The following CALN1 variants were observed in gnomAD, a reference collection of about 807,000 sequenced individuals.
CALN1 encodes calneuron 1, also known as calcium-binding protein 8.
CALN1 carries 17 observed loss-of-function variants against 30.6 expected under a neutral mutation model. That is an observed-to-expected ratio of 0.56 (90% CI 0.38 to 0.83). CALN1 has a LOEUF of 0.83. CALN1 is among the 40% of genes least tolerant of loss of function. The probability of loss-of-function intolerance (pLI) is 0.00; values close to 1 mark genes in which losing one functional copy is unlikely to be tolerated. For missense variants in CALN1, 291 were observed against 354.9 expected, an observed-to-expected ratio of 0.82 and a Z score of 1.45; for synonymous variants, 156 against 131.4, an observed-to-expected ratio of 1.19 and a Z score of -1.28.
intron 5 of CALN1, among the ~76,000 whole-genome samples, chr7:71,839,275 G>A (rs1392646129): frequency 2.0e-5 from 3 of 152,136 alleles, no homozygotes; most frequent in Non-Finnish European, 2.9e-5. Context: ...GCTCATGCCT[G>A]TAATTCCAGC....
At chr7:71,788,406 C>A (rs114280699) in intron 6 of CALN1, among the ~76,000 whole-genome samples, 34 of 151,562 alleles carry the variant, frequency 2.2e-4, no homozygotes, top group African/African-American at 8.2e-4. Flanking sequence ...TGACTTCTTG[C>A]ATTATTTCAG....
intron 5 of CALN1, among the ~76,000 whole-genome samples, chr7:71,889,695 C>T (rs1793123681): frequency 6.6e-6 from 1 of 152,224 alleles, no homozygotes; most frequent in Non-Finnish European, 1.5e-5. Flanking sequence ...TGGCTCAAGC[C>T]TGTAATCCCA....
chr7:71,957,984 G>C (rs781564893), intron 5 of CALN1, among the ~76,000 whole-genome samples: 1 of 142,476 alleles, frequency 7.0e-6, no homozygotes, highest in African/African-American at 2.6e-5. Flanking sequence ...AGAATCTCTT[G>C]AACCTGGGAG....
rs1207050705 is a variant in CALN1 at position 72,020,085 on chromosome 7, G to A, written c.501+3572C>T. Among the ~76,000 whole-genome samples the A allele has an allele frequency of 2.6e-5, 4 of 152,010 alleles. 1 individual carries two copies. The highest frequency in any genetic ancestry group is 2.6e-4 in the Admixed American group (4 of 15,242). On this transcript the variant is annotated intron_variant, in intron 5 of 6. Coordinates refer to ENST00000395275, the MANE Select transcript of CALN1 (RefSeq NM_031468.4). ...TATTTTTGTTTTATTTTTTGAGACA[G>A]GTCTCAGTCTGTCAGCCAGGATGGA...
intron 3 of CALN1, among the ~76,000 whole-genome samples, chr7:72,179,428 A>G (rs1425426329): frequency 6.6e-6 from 1 of 152,200 alleles, no homozygotes; most frequent in Non-Finnish European, 1.5e-5. Context: ...AAGTGTCACT[A>G]AACACTTATG....
At chr7:72,466,514 A>T in the CALN1 span, among the ~76,000 whole-genome samples, 160 of 152,178 alleles carry the variant, frequency 1.1e-3, 4 homozygotes, top group South Asian at 0.028. Context: ...GAGGCTGAGG[A>T]GGGCTAATCA....
intron 1 of CALN1, among the ~76,000 whole-genome samples, chr7:72,405,892 G>A (rs1806664451): frequency 6.6e-6 from 1 of 152,136 alleles, no homozygotes; most frequent in Non-Finnish European, 1.5e-5. Context: ...GTCCCCCCAG[G>A]CAGTGTGGAC....
intron 5 of CALN1, among the ~76,000 whole-genome samples, chr7:71,821,382 C>A (rs1374076534): frequency 6.6e-6 from 1 of 152,046 alleles, no homozygotes; most frequent in Non-Finnish European, 1.5e-5. Context: ...AAGGACTCAC[C>A]GTTCCACATG....
chr7:72,472,348 A>C, the CALN1 span, among the ~76,000 whole-genome samples: 3 of 152,172 alleles, frequency 2.0e-5, no homozygotes, highest in Non-Finnish European at 4.4e-5. Flanking sequence ...CCCCCGGCAC[A>C]ATATCTGCCA....
intron 5 of CALN1, among the ~76,000 whole-genome samples, chr7:71,836,594 A>G (rs1789615661): frequency 6.6e-6 from 1 of 150,798 alleles, no homozygotes; most frequent in African/African-American, 2.4e-5. Context: ...TTTTATGGCA[A>G]ATTCTGTCCC....
chr7:72,088,304 G>A (rs1805616332), intron 4 of CALN1, among the ~76,000 whole-genome samples: 1 of 152,110 alleles, frequency 6.6e-6, no homozygotes, highest in South Asian at 2.1e-4. Context: ...TACATCCTAA[G>A]CCAAATTAGA....
At position 71,985,140 on chromosome 7, in the gene CALN1, G is replaced by A. The variant is rs1042703607; in HGVS notation, c.501+38517C>T. ...AAAACCTGGCAAAGACGATGAACAGGCAAGCTACAAAAGAGAGAACCCAAC... is the reference window on the plus strand; with the variant it reads ...AAAACCTGGCAAAGACGATGAACAGACAAGCTACAAAAGAGAGAACCCAAC... On this transcript the variant is annotated intron_variant, in intron 5 of 6. Coordinates refer to ENST00000395275, the MANE Select transcript of CALN1 (RefSeq NM_031468.4). 8.8e-5 allele frequency among the ~76,000 whole-genome samples: 13 copies of A among 148,100 alleles called. No homozygotes were observed. In the South Asian group the frequency reaches 2.5e-3, roughly 29 times the overall value.
At chr7:72,147,896 A>C (rs1449285800) in intron 3 of CALN1, among the ~76,000 whole-genome samples, 1 of 142,138 alleles carries the variant, frequency 7.0e-6, no homozygotes, top group Non-Finnish European at 1.5e-5. Flanking sequence ...GGAATTGAAC[A>C]TTGACAACAC....
rs946611345 is a variant in CALN1, at chr7:72,209,318, C to T, written c.244+69368G>A. 9.3e-4 allele frequency among the ~76,000 whole-genome samples: 46 copies of T among 49,244 alleles called. 4 individuals are homozygous for T. In the East Asian group the frequency reaches 0.047, roughly 50 times the overall value. 32.3% of individuals were successfully genotyped at this position (49,244 alleles called of 152,430 possible). On this transcript the variant is annotated intron_variant, in intron 3 of 6. Coordinates refer to ENST00000395275, the MANE Select transcript of CALN1 (RefSeq NM_031468.4). ...CTTCCCTCTTTCCTTCCCTCCTTCC[C>T]TCCTTCCCTCTTTCCTTCCCTCTTT...
At chr7:71,849,706 C>A (rs116681203) in intron 5 of CALN1, among the ~76,000 whole-genome samples, 3,408 of 152,182 alleles carry the variant, frequency 0.022, 108 homozygotes, top group African/African-American at 0.075. Flanking sequence ...TACAGTGGTG[C>A]AATCATAGCT....
At chr7:71,947,093 C>A (rs1796443983) in intron 5 of CALN1, among the ~76,000 whole-genome samples, 1 of 152,110 alleles carries the variant, frequency 6.6e-6, no homozygotes, top group Non-Finnish European at 1.5e-5. Flanking sequence ...TCAATGCAAC[C>A]TCTGACTCCC....
rs1794080102 is a variant in CALN1 at position 71,905,406 on chromosome 7, C to A, written c.502-94914G>T. Among the ~76,000 whole-genome samples the A allele has an allele frequency of 2.7e-5, 4 of 150,550 alleles. No individual in the cohort carries two copies. The East Asian group carries it at 7.8e-4, about 29-fold the overall frequency. ...AGTTTTTTTTTTTTTTATCTCTATC[C>A]CCCCTCCTACCCTCTAAAGTCTCTA... is the stretch of plus-strand genomic sequence containing the variant. On this transcript the variant is annotated intron_variant, in intron 5 of 6. Coordinates refer to ENST00000395275, the MANE Select transcript of CALN1 (RefSeq NM_031468.4).
At chr7:71,929,827 G>A (rs1584535170) in intron 5 of CALN1, among the ~76,000 whole-genome samples, 1 of 152,124 alleles carries the variant, frequency 6.6e-6, no homozygotes, top group Non-Finnish European at 1.5e-5. Context: ...TTCCCAATTG[G>A]CTGCACAATT....
chr7:72,314,479 A>T (rs1328270165), intron 2 of CALN1, among the ~76,000 whole-genome samples: 1 of 151,154 alleles, frequency 6.6e-6, no homozygotes, highest in Non-Finnish European at 1.5e-5. Context: ...GCTGTAGTGC[A>T]GTGGCACAAT....
Sources: gnomAD v4.1 joint callset for allele counts (sites outside exome capture counted in the v4.1 genomes callset) on GRCh38, gnomAD v4.1.1 for gene constraint, MANE v1.5 for transcripts, NCBI Gene and HGNC (gene_info 2026-07-23, HGNC 2026-07-21) for gene names.